The following ABCA6 variants were observed in gnomAD, a reference collection of about 807,000 sequenced individuals.
ABCA6 encodes ATP-binding cassette sub-family A member 6.
In ABCA6, 164 loss-of-function variants were observed where a neutral mutation model predicts 191.2. The ratio of observed to expected loss-of-function variants is 0.86; its 90% CI spans 0.76 to 0.98. The LOEUF (loss-of-function observed/expected upper bound fraction) is 0.98. ABCA6 is among the 50% of genes least tolerant of loss of function. The probability of loss-of-function intolerance (pLI) is 0.00; values close to 1 mark genes in which losing one functional copy is unlikely to be tolerated. For synonymous variants in ABCA6, 636 were observed against 647.7 expected, an observed-to-expected ratio of 0.98 and a Z score of 0.27; for missense variants, 1,958 against 1,894.1, an observed-to-expected ratio of 1.03 and a Z score of -0.63.
At chr17:69,110,740 TTAA>T in intron 17 of ABCA6, 58 bp downstream of exon 17, 9 of 1,494,014 alleles carry the variant, frequency 6.0e-6, no homozygotes, top group Non-Finnish European at 8.0e-6. Context: ...GAAAATTATT[TTAA>T]TAATAATGTG....
chr17:69,088,821 T>C (rs1013789042), intron 27 of ABCA6, among the ~76,000 whole-genome samples: 10 of 152,178 alleles, frequency 6.6e-5, no homozygotes, highest in Admixed American at 3.3e-4. Context: ...ATCTTTCTTA[T>C]CACTCTCTTC....
chr17:69,141,634 G>A (rs2074024458), intron 1 of ABCA6, 111 bp downstream of exon 1: 2 of 151,922 alleles, frequency 1.3e-5, no homozygotes, highest in Admixed American at 1.3e-4. Flanking sequence ...TTTAGTCTTA[G>A]GTCTTTAACA....
At chr17:69,088,045 TA>T in intron 28 of ABCA6, 121 bp downstream of exon 28, 1 of 874,870 alleles carries the variant, frequency 1.1e-6, no homozygotes, top group Non-Finnish European at 1.7e-6. Flanking sequence ...CCACATTCCC[TA>T]ATGACAATCA....
rs1366860153 is a variant in ABCA6, at chr17:69,113,605, T to A, written c.1902+13A>T. 6.2e-7 allele frequency: 1 copy of A among 1,612,798 alleles called. No homozygotes were observed. Among genetic ancestry groups the A allele is most frequent in the Admixed American group, 1.7e-5 (1 of 59,880 alleles). On this transcript the variant is annotated intron_variant, in intron 14 of 38. Transcript: ENST00000284425. ...TTCGACCTGCTTCCTTCCCCATGCA[T>A]AATCTCACTTACTTGAGGATCTCCT... is the stretch of plus-strand genomic sequence containing the variant.
At chr17:69,092,215 A>G (rs2072941833) in intron 25 of ABCA6, among the ~76,000 whole-genome samples, 1 of 152,210 alleles carries the variant, frequency 6.6e-6, no homozygotes, top group Non-Finnish European at 1.5e-5. Flanking sequence ...TCTTTCCCAG[A>G]TCTTATTAAT....
chr17:69,120,022 A>C (rs1169344205), intron 10 of ABCA6, among the ~76,000 whole-genome samples: 1 of 152,108 alleles, frequency 6.6e-6, no homozygotes, highest in African/African-American at 2.4e-5. Context: ...ACTTAAGTAC[A>C]GTCTGATACC....
intron 2 of ABCA6, among the ~76,000 whole-genome samples, chr17:69,138,508 T>C (rs1186368077): frequency 6.6e-6 from 1 of 152,090 alleles, no homozygotes; most frequent in East Asian, 1.9e-4. Context: ...ATCGTGAAAA[T>C]GGCCATACTG....
intron 9 of ABCA6, 119 bp from the exon 10 acceptor site, chr17:69,123,526 T>C (rs918525088): frequency 1.7e-6 from 1 of 597,260 alleles, no homozygotes; most frequent in African/African-American, 1.9e-5. Context: ...ACATTTTTTC[T>C]TCTAAAACTC....
rs1418815071 is a variant in ABCA6, at chr17:69,125,007, C to G, written c.1148G>C (p.Gly383Ala). 4.8e-6 allele frequency: 7 copies of G among 1,451,972 alleles called. No individual in the cohort carries two copies. The highest frequency in any genetic ancestry group is 6.4e-6 in the Non-Finnish European group (7 of 1,086,964). 89.9% of individuals were successfully genotyped at this position (1,451,972 alleles called of 1,614,324 possible). A position where few individuals can be genotyped will look rare whatever the true frequency, so the allele number is the denominator to read the frequency against. The change falls in exon 9 of 39, where the codon GGT (glycine) becomes GCT (alanine). Residue 383 changes from glycine (G) to alanine (A), a missense_variant. Coordinates refer to ENST00000284425, the MANE Select transcript of ABCA6 (RefSeq NM_080284.3). The part of the protein sequence containing the change: ...QIIKLDYNLN[G>A]VIFPDPSGDS... Reference sequence around the variant, plus strand: ...TCCTGAAGGGTCAGGAAAAATTACACCATTCAAGTTATAATCCAGTTTGAT... The same window carrying G: ...TCCTGAAGGGTCAGGAAAAATTACAGCATTCAAGTTATAATCCAGTTTGAT...
chr17:69,097,227 C>A (rs2073069712), intron 23 of ABCA6, among the ~76,000 whole-genome samples: 1 of 152,032 alleles, frequency 6.6e-6, no homozygotes, highest in Non-Finnish European at 1.5e-5. Context: ...CCCATTTTGA[C>A]TAAAAACACA....
chr17:69,081,110 G>A lies in ABCA6; in HGVS notation c.4652C>T (p.Ala1551Val). ...GGTCTGTGATAGAGGGTAAACGTCT[G>A]CCACGGGCAGCTTATAGGTTAACAA... ...SSLLTYKLPVADVYPLSQTFH... is the reference protein window; with the variant it reads ...SSLLTYKLPVVDVYPLSQTFH... Residue 1551 changes from alanine (A) to valine (V), a missense_variant, in exon 37 of 39, where the codon GCA becomes GTA. By Grantham distance (64) the Ala-to-Val change is moderately conservative (BLOSUM62 0). Coordinates refer to ENST00000284425, the MANE Select transcript of ABCA6 (RefSeq NM_080284.3). 6.2e-7 allele frequency: 1 copy of A among 1,604,040 alleles called. No homozygotes were observed. Among genetic ancestry groups the A allele is most frequent in the Non-Finnish European group, 8.5e-7 (1 of 1,175,044 alleles).
At chr17:69,108,128 C>T (rs959933810) in intron 17 of ABCA6, 7 of 262,504 alleles carry the variant, frequency 2.7e-5, no homozygotes, top group South Asian at 1.5e-4. Flanking sequence ...TACAAACCCA[C>T]GTATATCTCT....
chr17:69,096,656 A>G lies in ABCA6; in HGVS notation c.3266T>C (p.Leu1089Pro). ...IFYIENMQYL[L>P]ITSQIVFALV... The stretch of plus-strand genomic sequence containing the variant: ...AGCAAACACAATTTGGCTTGTAATA[A>G]GAAGGTACTGCATGTTTTCTATGTA... Residue 1089 changes from leucine to proline, a missense_variant, in exon 24 of 39, where the codon CTT becomes CCT. Leu to Pro is a moderately conservative substitution (Grantham distance 98, BLOSUM62 -3). Transcript: ENST00000284425. 1 of 1,550,414 alleles carries G rather than the reference A, an allele frequency of 6.4e-7. No homozygotes were observed. Among genetic ancestry groups the G allele is most frequent in the South Asian group, 1.3e-5 (1 of 77,552 alleles).
At chr17:69,103,038 C>A in intron 20 of ABCA6, 70 bp from the exon 21 acceptor site, 1 of 905,828 alleles carries the variant, frequency 1.1e-6, no homozygotes, top group Non-Finnish European at 1.6e-6. Context: ...TAAAATAAGT[C>A]ATATACATAA....
chr17:69,101,745 T>C lies in ABCA6; in HGVS notation c.2875-811A>G, dbSNP rs537465531. On this transcript the variant is annotated intron_variant, in intron 21 of 38. Coordinates refer to ENST00000284425, the MANE Select transcript of ABCA6 (RefSeq NM_080284.3). The stretch of plus-strand genomic sequence containing the variant: ...GCAATCTTTATATTTATGTACTTCA[T>C]GTTTAGGAAAATGTTCATTAATCTA... Among the ~76,000 whole-genome samples the C allele has an allele frequency of 3.3e-5, 5 of 152,318 alleles. No homozygotes were observed. In the South Asian group the frequency reaches 1.0e-3, roughly 32 times the overall value.
Position 69,085,033 on chromosome 17 carries a change from G to A in ABCA6, c.4179C>T (p.Ile1393=), listed in dbSNP as rs1421714595. The change falls in exon 32 of 39, where the codon ATC becomes ATT. Residue 1393 remains isoleucine (I), a synonymous_variant. Transcript: ENST00000284425. ...GLRKADARLA[I]ARLVSAFKLH... is the part of the protein sequence containing the mutation. Reference sequence around the variant, plus strand: ...ATCGCAGGTCCCGTCTGTACCTTGCGATGGCGAGCCTCGCGTCCGCTTTCC... The same window carrying A: ...ATCGCAGGTCCCGTCTGTACCTTGCAATGGCGAGCCTCGCGTCCGCTTTCC... 1 of 1,608,968 alleles carries A rather than the reference G, an allele frequency of 6.2e-7. No homozygotes were observed. The highest frequency in any genetic ancestry group is 1.3e-5 in the African/African-American group (1 of 74,564).
In ABCA6 at chr17:69,123,349, T is replaced by C; in HGVS notation, c.1326A>G (p.Gln442=). 1.9e-6 allele frequency: 3 copies of C among 1,563,882 alleles called. No homozygotes were observed. Among genetic ancestry groups the C allele is most frequent in the Non-Finnish European group, 2.6e-6 (3 of 1,148,854 alleles). The change falls in exon 10 of 39, where the codon CAA becomes CAG. Residue 442 remains glutamine, a synonymous_variant. Transcript: ENST00000284425. ...LFFLNSSSCF[Q]HQRTNAKVIE... is the part of the protein sequence containing the mutation. ...TAACCTTAGCATTAGTCCTTTGGTG[T>C]TGGAAACAAGATGATGAATTCAAGA...
At chr17:69,079,123 T>C (rs1196094652) in intron 38 of ABCA6, 49 bp from the exon 39 acceptor site, 2 of 1,573,008 alleles carry the variant, frequency 1.3e-6, no homozygotes, top group Middle Eastern at 1.7e-4. Context: ...GATTATCAAG[T>C]TGTTGGTCTT....
intron 8 of ABCA6, among the ~76,000 whole-genome samples, chr17:69,125,519 T>A (rs1446338499): frequency 6.6e-6 from 1 of 152,092 alleles, no homozygotes; most frequent in African/African-American, 2.4e-5. Context: ...ATTATCCCAT[T>A]TAATCTTCCT....
Sources: allele counts gnomAD v4.1 joint callset (sites outside exome capture counted in the v4.1 genomes callset), GRCh38; gene constraint gnomAD v4.1.1; transcripts MANE v1.5; gene names NCBI Gene and HGNC (gene_info 2026-07-23, HGNC 2026-07-21).